FUNDC2: variants seen among roughly 807,000 people sequenced by gnomAD.
FUNDC2 encodes FUN14 domain-containing protein 2.
A neutral mutation model predicts 15.6 loss-of-function variants in FUNDC2; 4 were observed. That is an observed-to-expected ratio of 0.26 (90% CI 0.13 to 0.59). FUNDC2 has a LOEUF of 0.59. Among genes scored for constraint, FUNDC2 ranks in the 20% least tolerant of loss-of-function variants. The probability of loss-of-function intolerance (pLI) is 0.90; values close to 1 mark genes in which losing one functional copy is unlikely to be tolerated. For synonymous variants in FUNDC2, 44 were observed against 56.9 expected, an observed-to-expected ratio of 0.77 and a Z score of 1.02; for missense variants, 98 against 149.7, an observed-to-expected ratio of 0.65 and a Z score of 1.80.
At chrX:155,030,221 G>T (rs2073810203) in intron 1 of FUNDC2, among the ~76,000 whole-genome samples, 1 of 108,351 alleles carries the variant, frequency 9.2e-6, no homozygotes, top group Non-Finnish European at 1.9e-5. Context: ...CTTTTCTTTT[G>T]TTGCACTGGC....
At chrX:155,052,882 T>G (rs1557290596) in intron 4 of FUNDC2, among the ~76,000 whole-genome samples, 1 of 112,008 alleles carries the variant, frequency 8.9e-6, no homozygotes, top group African/African-American at 3.2e-5. Flanking sequence ...CCACAGTGAG[T>G]AAAAAAAAAT....
rs1603438250 is a variant in FUNDC2, at chrX:155,028,627, G to C, written c.133+1556G>C. On this transcript the variant is annotated intron_variant, in intron 1 of 4. Transcript: ENST00000369498. ...TTGTGTATGGTTTAAGGTAGAGGTTGAGAGTAGTTTTTTTTGAAACACAAA... is the reference window on the plus strand; with the variant it reads ...TTGTGTATGGTTTAAGGTAGAGGTTCAGAGTAGTTTTTTTTGAAACACAAA... Among the ~76,000 whole-genome samples, 4 of 112,210 alleles carry C rather than the reference G, an allele frequency of 3.6e-5. No individual in the cohort carries two copies. The South Asian group carries it at 1.5e-3, about 41-fold the overall frequency.
chrX:155,030,474 G>A (rs1481585791), intron 1 of FUNDC2, among the ~76,000 whole-genome samples: 2 of 108,892 alleles, frequency 1.8e-5, no homozygotes, highest in Non-Finnish European at 3.8e-5. Flanking sequence ...CCAGAAGTTT[G>A]AAGTTGCAGT....
intron 2 of FUNDC2, among the ~76,000 whole-genome samples, chrX:155,044,285 A>C (rs147757803): frequency 0.053 from 5,954 of 111,715 alleles, 169 homozygotes; most frequent in Non-Finnish European, 0.086. Flanking sequence ...GAGCTGTAAC[A>C]GTAACCTACA....
chrX:155,046,102 A>G (rs1320502494), intron 2 of FUNDC2, among the ~76,000 whole-genome samples: 2 of 108,771 alleles, frequency 1.8e-5, no homozygotes, highest in East Asian at 2.9e-4. Flanking sequence ...CCTCAAACTC[A>G]GGAGTGTTTT....
intron 2 of FUNDC2, among the ~76,000 whole-genome samples, chrX:155,043,045 T>A (rs2073852545): frequency 1.8e-5 from 2 of 111,679 alleles, no homozygotes; most frequent in Non-Finnish European, 3.8e-5. Context: ...CAAGAGATCC[T>A]CCCACCTCAG....
At chrX:155,031,333 T>C (rs1431813551) in intron 1 of FUNDC2, among the ~76,000 whole-genome samples, 1 of 112,401 alleles carries the variant, frequency 8.9e-6, no homozygotes, top group East Asian at 2.8e-4. Context: ...TGTTTCTTTT[T>C]CTTTTTTCTT....
At position 155,055,380 on chromosome X, in the gene FUNDC2, G is replaced by C. The variant is rs1418510835; in HGVS notation, c.*708G>C. On this transcript the variant is annotated 3_prime_UTR_variant, in exon 5 of 5. Transcript: ENST00000369498. Reference sequence around the variant, plus strand: ...TAGAAAAGGTTTTAAGCTTTGAAATGTGAATGAAATATCCTTATCAAAACA... The same window carrying C: ...TAGAAAAGGTTTTAAGCTTTGAAATCTGAATGAAATATCCTTATCAAAACA... 3.4e-6 allele frequency: 1 copy of C among 293,856 alleles called. No individual in the cohort carries two copies. The highest frequency in any genetic ancestry group is 2.8e-5 in the African/African-American group (1 of 35,888). 24.2% of individuals were successfully genotyped at this position (293,856 alleles called of 1,213,427 possible).
chrX:155,042,068 C>CAA (rs781894363), intron 2 of FUNDC2, among the ~76,000 whole-genome samples: 2 of 22,303 alleles, frequency 9.0e-5, no homozygotes, highest in Non-Finnish European at 1.8e-4. Context: ...GACTCCGTCT[C>CAA]AAAAAAAAAA....
At position 155,057,118 on chromosome X, in the gene FUNDC2, CATGGAGGTTGA is replaced by C. The variant is rs1569560315; in HGVS notation, c.*2448_*2458del. 211 of 105,136 alleles carry C rather than the reference CATGGAGGTTGA, an allele frequency of 2.0e-3. No individual in the cohort carries two copies. Among genetic ancestry groups the C allele is most frequent in the African/African-American group, 6.9e-3 (208 of 29,991 alleles). 8.7% of individuals were successfully genotyped at this position (105,136 alleles called of 1,213,427 possible). ...ACCACTTGGGATTGTGCAGAGCTGG[CATGGAGGTTGA>C]ACACGCACAGCTGCACACCTTGTTT... On this transcript the variant is annotated 3_prime_UTR_variant, in exon 5 of 5. Transcript: ENST00000369498.
intron 2 of FUNDC2, among the ~76,000 whole-genome samples, chrX:155,042,068 CAAAAA>C (rs781894363): frequency 8.9e-5 from 2 of 22,398 alleles, no homozygotes; most frequent in African/African-American, 1.4e-4. Flanking sequence ...GACTCCGTCT[CAAAAA>C]AAAAAAAAAA....
rs1569560324 is a variant in FUNDC2 at position 155,057,789 on chromosome X, G to A, written c.*3117G>A. 9.0e-6 allele frequency: 1 copy of A among 111,363 alleles called. No homozygotes were observed. The highest frequency in any genetic ancestry group is 1.9e-5 in the Non-Finnish European group (1 of 53,028). The allele number at this position is 111,363 out of a possible 1,213,427, so 9.2% of individuals were successfully genotyped here. A position where few individuals can be genotyped will look rare whatever the true frequency, so the allele number is the denominator to read the frequency against. The stretch of plus-strand genomic sequence containing the variant: ...GATGGGGACTTGGAGCATGCTACAG[G>A]AGAGGTAGAACTTTTGAGTCTCTTC... On this transcript the variant is annotated 3_prime_UTR_variant, in exon 5 of 5. Coordinates refer to ENST00000369498, the MANE Select transcript of FUNDC2 (RefSeq NM_023934.4).
chrX:155,052,618 G>T (rs1168102672), intron 4 of FUNDC2, among the ~76,000 whole-genome samples: 3 of 110,590 alleles, frequency 2.7e-5, no homozygotes, highest in Non-Finnish European at 5.7e-5. Context: ...CCCTGTGTGC[G>T]CCTCAGGCTT....
chrX:155,060,131 G>A lies in FUNDC2; in HGVS notation c.*5459G>A, dbSNP rs1289525956. 1.8e-5 allele frequency: 2 copies of A among 112,077 alleles called. No individual in the cohort carries two copies. The highest frequency in any genetic ancestry group is 6.5e-5 in the African/African-American group (2 of 30,810). The allele number at this position is 112,077 out of a possible 1,213,427, so 9.2% of individuals were successfully genotyped here. ...CTTTAGCATAAAAACATTTAAAAGA[G>A]TCTGAAACTGGAGTAGTTAACTCAG... On this transcript the variant is annotated 3_prime_UTR_variant, in exon 5 of 5. Transcript: ENST00000369498.
At chrX:155,046,666 C>A (rs2073863672) in intron 3 of FUNDC2, 82 bp downstream of exon 3, 1 of 761,177 alleles carries the variant, frequency 1.3e-6, no homozygotes, top group African/African-American at 2.0e-5. Context: ...GTAATACAGT[C>A]CTGGCTATGT....
At chrX:155,039,619 C>A (rs1557289395) in intron 2 of FUNDC2, among the ~76,000 whole-genome samples, 2 of 112,006 alleles carry the variant, frequency 1.8e-5, no homozygotes, top group Non-Finnish European at 3.8e-5. Flanking sequence ...GTTGTGTGTT[C>A]TTGGCATCTT....
intron 3 of FUNDC2, among the ~76,000 whole-genome samples, chrX:155,047,661 G>A (rs1382110579): frequency 1.8e-5 from 2 of 110,730 alleles, no homozygotes; most frequent in Non-Finnish European, 3.8e-5. Context: ...GTTAGGGTAG[G>A]TCTGGACTTG....
intron 1 of FUNDC2, among the ~76,000 whole-genome samples, chrX:155,028,121 T>TATA (rs2073802072): frequency 7.1e-5 from 8 of 111,913 alleles, no homozygotes; most frequent in African/African-American, 2.6e-4. Context: ...TCTTATAGGT[T>TATA]GATCAGGTAT....
At chrX:155,030,813 G>A (rs2124184373) in intron 1 of FUNDC2, among the ~76,000 whole-genome samples, 1 of 107,240 alleles carries the variant, frequency 9.3e-6, no homozygotes, top group African/African-American at 3.4e-5. Context: ...AGCCTCCTGA[G>A]TAGCTGGGAT....
Sources: gnomAD v4.1 joint callset for allele counts (sites outside exome capture counted in the v4.1 genomes callset) on GRCh38, gnomAD v4.1.1 for gene constraint, MANE v1.5 for transcripts, NCBI Gene and HGNC (gene_info 2026-07-23, HGNC 2026-07-21) for gene names.